The following NAV2 variants were observed in gnomAD, a reference collection of about 807,000 sequenced individuals.
The protein encoded by NAV2 is neuron navigator 2.
Under a neutral mutation model 223.2 loss-of-function variants are expected in NAV2, and 54 were observed. The observed-to-expected ratio is 0.24, with a 90% confidence interval of 0.19 to 0.30. The LOEUF (loss-of-function observed/expected upper bound fraction) is 0.30, where lower values mean the gene tolerates loss of function less well. NAV2 is among the 10% of genes least tolerant of loss of function. NAV2 has a pLI of 1.00. For synonymous variants in NAV2, 1,279 were observed against 1,239.3 expected, an observed-to-expected ratio of 1.03 and a Z score of -0.67; for missense variants, 2,806 against 3,147.5, an observed-to-expected ratio of 0.89 and a Z score of 2.60.
In NAV2 at chr11:19,779,755, T is replaced by C. The variant is rs138797424; in HGVS notation, c.268-52729T>C. Among the ~76,000 whole-genome samples the C allele has an allele frequency of 1.9e-3, 291 of 152,364 alleles. 2 individuals are homozygous for C. The highest frequency in any genetic ancestry group is 6.5e-3 in the African/African-American group (272 of 41,592). On this transcript the variant is annotated intron_variant, in intron 1 of 37. Coordinates refer to ENST00000349880, the MANE Select transcript of NAV2 (RefSeq NM_145117.5). ...GAACTATCATTATTTTCTTCAGTGG[T>C]AAATGAGACATAATCTGTCCCCACT...
chr11:19,586,197 G>A (rs538260511), intron 1 of NAV2, among the ~76,000 whole-genome samples: 3 of 152,086 alleles, frequency 2.0e-5, no homozygotes, highest in Non-Finnish European at 2.9e-5. Flanking sequence ...TGCATTCGTC[G>A]CATAGTTCTT....
At chr11:19,455,242 T>A (rs552392749) in intron 1 of NAV2, among the ~76,000 whole-genome samples, 2 of 109,736 alleles carry the variant, frequency 1.8e-5, no homozygotes, top group South Asian at 5.5e-4. Flanking sequence ...TTGGGTGATA[T>A]AATGTAATAT....
Position 19,998,976 on chromosome 11 carries a change from C to G in NAV2, c.2768+14729C>G, listed in dbSNP as rs946992636. ...CTCCGTTTGCAGGTGAATCCCCTCT[C>G]CCAGCACAGGGCCCGTCCAGAGAGG... On this transcript the variant is annotated intron_variant, in intron 11 of 37. Coordinates refer to ENST00000349880, the MANE Select transcript of NAV2 (RefSeq NM_145117.5). The surrounding 1 kb of genome is among the most constrained non-coding windows in gnomAD (Gnocchi z 5.0). Among the ~76,000 whole-genome samples, 7 of 152,248 alleles carry G rather than the reference C, an allele frequency of 4.6e-5. No homozygotes were observed. Among genetic ancestry groups the G allele is most frequent in the Non-Finnish European group, 1.0e-4 (7 of 68,052 alleles).
chr11:20,051,458 G>A, intron 17 of NAV2, 125 bp downstream of exon 17: 1 of 824,832 alleles, frequency 1.2e-6, no homozygotes, highest in Admixed American at 1.8e-5. Context: ...ACCACAGCAG[G>A]ACCTTTTGGA....
At chr11:20,022,520 T>C (rs2054594512) in intron 11 of NAV2, 1 of 984,812 alleles carries the variant, frequency 1.0e-6, no homozygotes, top group South Asian at 4.7e-5. Context: ...ACAGGTATCA[T>C]TTCCTTTTTA....
In NAV2 at chr11:20,083,127, A is replaced by G. The variant is rs763064900; in HGVS notation, c.5446A>G (p.Asn1816Asp). ...GCCTTCCTCACCAAAGTTACCGCAC[A>G]ATGGGTCCACAGGTTCCACCCCACT... ...SLPSSPKLPH[N>D]GSTGSTPLLR... The change falls in exon 26 of 38, where the codon AAT becomes GAT. Residue 1816 changes from asparagine (N) to aspartate (D), a missense_variant. By Grantham distance (23) the Asn-to-Asp change is conservative (BLOSUM62 1). Transcript: ENST00000349880. The G allele has an allele frequency of 3.7e-6, 6 of 1,614,068 alleles. No homozygotes were observed. Among genetic ancestry groups the G allele is most frequent in the Non-Finnish European group, 4.2e-6 (5 of 1,179,968 alleles).
chr11:19,709,117 A>G (rs2049772875), upstream of NAV2, among the ~76,000 whole-genome samples: 1 of 152,114 alleles, frequency 6.6e-6, no homozygotes, highest in Admixed American at 6.5e-5. Flanking sequence ...TATCTTATTT[A>G]AGTAAGAAAC....
chr11:19,751,346 G>A (rs2053797346), intron 1 of NAV2, among the ~76,000 whole-genome samples: 1 of 152,136 alleles, frequency 6.6e-6, no homozygotes, highest in Non-Finnish European at 1.5e-5. Context: ...TCTTAGACTG[G>A]AGATGATGAG....
intron 1 of NAV2, among the ~76,000 whole-genome samples, chr11:19,793,604 G>T (rs1319917958): frequency 6.6e-6 from 1 of 152,168 alleles, no homozygotes; most frequent in Non-Finnish European, 1.5e-5. Context: ...TCCTGCTTCT[G>T]CTCCCAGCCC....
chr11:19,785,727 T>C (rs2057065709), intron 1 of NAV2, among the ~76,000 whole-genome samples: 1 of 149,612 alleles, frequency 6.7e-6, no homozygotes, highest in East Asian at 1.9e-4. Context: ...TGGGGAGGAG[T>C]GGGAGCTATA....
intron 1 of NAV2, among the ~76,000 whole-genome samples, chr11:19,501,755 A>C (rs1405120827): frequency 6.6e-6 from 1 of 151,872 alleles, no homozygotes. Context: ...GCAGCAGCAG[A>C]AATTACTTCA....
chr11:20,114,702 G>A lies in NAV2; in HGVS notation c.7071G>A (p.Arg2357=). 1 of 1,614,178 alleles carries A rather than the reference G, an allele frequency of 6.2e-7. No individual in the cohort carries two copies. The change falls in exon 37 of 38, where the codon CGG becomes CGA. Residue 2357 remains arginine, a synonymous_variant. Transcript: ENST00000349880. ...QHEWPPLLQL[R]PEDVGFDGYS... is the part of the protein sequence containing the mutation. ...AGTGGCCTCCCCTGCTGCAGTTACG[G>A]CCTGAGGATGTCGGCTTCGACGGCT... is the stretch of plus-strand genomic sequence containing the variant.
intron 1 of NAV2, among the ~76,000 whole-genome samples, chr11:19,750,480 G>A (rs1400696850): frequency 6.6e-6 from 1 of 152,156 alleles, no homozygotes; most frequent in Non-Finnish European, 1.5e-5. Flanking sequence ...CCTAGACTCT[G>A]AACACATCTG....
intron 1 of NAV2, among the ~76,000 whole-genome samples, chr11:19,561,259 AG>A (rs1430674763): frequency 6.6e-6 from 1 of 152,204 alleles, no homozygotes; most frequent in East Asian, 1.9e-4. Context: ...GGTACTGCTC[AG>A]TGTGGTCAGC....
intron 1 of NAV2, among the ~76,000 whole-genome samples, chr11:19,741,687 GTATATATATATATATA>G (rs1156844957): frequency 0.049 from 1,030 of 21,064 alleles, 13 homozygotes; most frequent in Non-Finnish European, 0.12. Context: ...GTGTGTGTGT[GTATATATATATATATA>G]TATATATATA....
At chr11:19,536,248 C>T (rs2044186126) in intron 1 of NAV2, among the ~76,000 whole-genome samples, 2 of 152,192 alleles carry the variant, frequency 1.3e-5, no homozygotes. Context: ...CTAGAGCTAT[C>T]CAGCTAGTCA....
At chr11:19,366,829 T>C (rs2133829637) in intron 1 of NAV2, among the ~76,000 whole-genome samples, 2 of 152,292 alleles carry the variant, frequency 1.3e-5, no homozygotes, top group South Asian at 2.1e-4. Context: ...TGGCAGCCAC[T>C]TGCTGTCCCT....
intron 1 of NAV2, chr11:19,511,637 G>A (rs976176035): frequency 5.3e-5 from 8 of 152,364 alleles, no homozygotes; most frequent in African/African-American, 1.9e-4. Context: ...TCTGGAAGCA[G>A]ACGCTGTTTA....
At chr11:19,971,087 G>A (rs1176409390) in intron 10 of NAV2, among the ~76,000 whole-genome samples, 1 of 152,184 alleles carries the variant, frequency 6.6e-6, no homozygotes, top group East Asian at 1.9e-4. Context: ...AACACTGCAT[G>A]CCCAGGTGAA....
Sources: allele counts gnomAD v4.1 joint callset (sites outside exome capture counted in the v4.1 genomes callset), GRCh38; gene constraint gnomAD v4.1.1; non-coding constraint Gnocchi (gnomAD v3.1); transcripts MANE v1.5; gene names NCBI Gene and HGNC (gene_info 2026-07-23, HGNC 2026-07-21).